NLGN1: variants seen among roughly 807,000 people sequenced by gnomAD.
The protein encoded by NLGN1 is neuroligin 1.
Under a neutral mutation model 65.5 loss-of-function variants are expected in NLGN1, and 12 were observed. The observed-to-expected ratio is 0.18, with a 90% confidence interval of 0.12 to 0.30. NLGN1 has a LOEUF of 0.30. NLGN1 is among the 10% of genes least tolerant of loss of function. The pLI, the probability that NLGN1 is intolerant of heterozygous loss-of-function variation, is 1.00. For missense variants in NLGN1, 750 were observed against 1,007.1 expected, an observed-to-expected ratio of 0.74 and a Z score of 3.46; for synonymous variants, 350 against 359.5, an observed-to-expected ratio of 0.97 and a Z score of 0.30.
chr3:173,424,207 G>A (rs1156939836), intron 1 of NLGN1, among the ~76,000 whole-genome samples: 1 of 152,170 alleles, frequency 6.6e-6, no homozygotes, highest in Non-Finnish European at 1.5e-5. Context: ...CTGGGCCCTG[G>A]GCCCGGCCTG....
At chr3:174,059,026 A>G (rs1333575905) in intron 4 of NLGN1, among the ~76,000 whole-genome samples, 2 of 152,138 alleles carry the variant, frequency 1.3e-5, no homozygotes, top group Non-Finnish European at 2.9e-5. Context: ...TAACAGCTGT[A>G]TGTAGACAGA....
At chr3:174,126,539 C>G (rs73186533) in intron 4 of NLGN1, among the ~76,000 whole-genome samples, 1 of 152,070 alleles carries the variant, frequency 6.6e-6, no homozygotes, top group Non-Finnish European at 1.5e-5. Context: ...TGTTAGGATA[C>G]CATGTGTGGT....
At chr3:174,190,328 C>CT (rs1732155228) in intron 4 of NLGN1, among the ~76,000 whole-genome samples, 1 of 151,796 alleles carries the variant, frequency 6.6e-6, no homozygotes, top group Non-Finnish European at 1.5e-5. Flanking sequence ...AGCTGACACC[C>CT]ATTCTATCGC....
intron 4 of NLGN1, among the ~76,000 whole-genome samples, chr3:174,221,852 C>T (rs900048307): frequency 6.6e-6 from 1 of 151,976 alleles, no homozygotes; most frequent in Non-Finnish European, 1.5e-5. Flanking sequence ...CCAATCTCTT[C>T]CTCCATTATC....
At chr3:174,120,406 C>T (rs1290086525) in intron 4 of NLGN1, among the ~76,000 whole-genome samples, 2 of 151,982 alleles carry the variant, frequency 1.3e-5, no homozygotes, top group Middle Eastern at 3.2e-3. Flanking sequence ...ACTTGGGAGG[C>T]TGAGGCAGGA....
At chr3:173,796,611 ATG>A (rs1025121634) in intron 3 of NLGN1, among the ~76,000 whole-genome samples, 5 of 152,092 alleles carry the variant, frequency 3.3e-5, no homozygotes, top group African/African-American at 1.2e-4. Flanking sequence ...AATGAGAGTT[ATG>A]TGTGTGTTCC....
At chr3:173,989,513 C>G (rs1246822314) in intron 4 of NLGN1, among the ~76,000 whole-genome samples, 1 of 152,076 alleles carries the variant, frequency 6.6e-6, no homozygotes, top group Non-Finnish European at 1.5e-5. Context: ...TTAAAAAATT[C>G]TGATGATGCA....
At chr3:173,509,188 A>G (rs1732523433) in intron 2 of NLGN1, among the ~76,000 whole-genome samples, 1 of 152,206 alleles carries the variant, frequency 6.6e-6, no homozygotes, top group Non-Finnish European at 1.5e-5. Flanking sequence ...TAAGGCACTA[A>G]GTAAAATTCT....
chr3:173,952,366 A>C (rs1259254228), intron 4 of NLGN1, among the ~76,000 whole-genome samples: 1 of 152,212 alleles, frequency 6.6e-6, no homozygotes, highest in East Asian at 1.9e-4. Flanking sequence ...TTGCCTAAGA[A>C]TGTACACAAG....
At chr3:173,727,601 G>A (rs1041039082) in intron 3 of NLGN1, among the ~76,000 whole-genome samples, 14 of 152,026 alleles carry the variant, frequency 9.2e-5, no homozygotes, top group Non-Finnish European at 1.5e-4. Context: ...TCTAGCAAAA[G>A]CCAATTTTTA....
At chr3:174,127,739 A>G (rs1719260909) in intron 4 of NLGN1, among the ~76,000 whole-genome samples, 1 of 152,178 alleles carries the variant, frequency 6.6e-6, no homozygotes, top group Non-Finnish European at 1.5e-5. Flanking sequence ...TCCCAACTTT[A>G]TCCTTCATGT....
intron 3 of NLGN1, among the ~76,000 whole-genome samples, chr3:173,786,621 C>T (rs963223782): frequency 6.6e-6 from 1 of 152,160 alleles, no homozygotes; most frequent in African/African-American, 2.4e-5. Flanking sequence ...TCAAACACTA[C>T]TGCCGTGCTT....
At chr3:174,092,720 C>T (rs1744760564) in intron 4 of NLGN1, among the ~76,000 whole-genome samples, 1 of 152,112 alleles carries the variant, frequency 6.6e-6, no homozygotes, top group African/African-American at 2.4e-5. Flanking sequence ...CACTCCAATG[C>T]ATGACAATAC....
At chr3:174,086,008 G>T (rs1051525846) in intron 4 of NLGN1, among the ~76,000 whole-genome samples, 14 of 151,754 alleles carry the variant, frequency 9.2e-5, no homozygotes, top group Middle Eastern at 3.4e-3. Flanking sequence ...ACAAATTTTT[G>T]GATAAAATCA....
At chr3:173,475,757 A>G (rs879475596) in intron 2 of NLGN1, among the ~76,000 whole-genome samples, 1 of 152,172 alleles carries the variant, frequency 6.6e-6, no homozygotes, top group Non-Finnish European at 1.5e-5. Context: ...TGAACTAAGC[A>G]CATCACTCTT....
At chr3:174,164,511 T>G (rs1727147150) in intron 4 of NLGN1, among the ~76,000 whole-genome samples, 1 of 152,050 alleles carries the variant, frequency 6.6e-6, no homozygotes, top group South Asian at 2.1e-4. Context: ...CTTTAACTCT[T>G]TAATCTATCT....
chr3:174,275,689 T>G (rs1217474116), intron 5 of NLGN1, among the ~76,000 whole-genome samples, 162 bp downstream of exon 5: 3 of 151,908 alleles, frequency 2.0e-5, no homozygotes, highest in Non-Finnish European at 2.9e-5. Context: ...TGTTTAAATT[T>G]TCGTCAAACT....
intron 4 of NLGN1, among the ~76,000 whole-genome samples, chr3:173,932,616 C>T (rs2152289330): frequency 6.6e-6 from 1 of 152,130 alleles, no homozygotes; most frequent in African/African-American, 2.4e-5. Flanking sequence ...CAGATAGTAA[C>T]AGCACCTACA....
At chr3:173,585,483 A>C (rs1289998759) in intron 2 of NLGN1, among the ~76,000 whole-genome samples, 2 of 149,742 alleles carry the variant, frequency 1.3e-5, no homozygotes, top group African/African-American at 2.5e-5. Context: ...CTCCTCCCCC[A>C]CCCCTCTCTT....
Sources: gnomAD v4.1 joint callset for allele counts (sites outside exome capture counted in the v4.1 genomes callset) on GRCh38, gnomAD v4.1.1 for gene constraint, MANE v1.5 for transcripts, NCBI Gene and HGNC (gene_info 2026-07-23, HGNC 2026-07-21) for gene names.